Variants in OSBPL9 observed in about 807,000 individuals in gnomAD.
The protein encoded by OSBPL9 is oxysterol binding protein like 9.
OSBPL9 carries 40 observed loss-of-function variants against 106.6 expected under a neutral mutation model. That is an observed-to-expected ratio of 0.38 (90% CI 0.29 to 0.49). The LOEUF (loss-of-function observed/expected upper bound fraction) is 0.49. OSBPL9 is among the 20% of genes least tolerant of loss of function. The pLI, the probability that OSBPL9 is intolerant of heterozygous loss-of-function variation, is 0.97. For synonymous variants in OSBPL9, 269 were observed against 295.4 expected, an observed-to-expected ratio of 0.91 and a Z score of 0.92; for missense variants, 609 against 887.2, an observed-to-expected ratio of 0.69 and a Z score of 3.98.
chr1:51,730,402 C>A (rs886812555), intron 4 of OSBPL9, among the ~76,000 whole-genome samples: 4 of 152,216 alleles, frequency 2.6e-5, no homozygotes, highest in Admixed American at 2.6e-4. Flanking sequence ...AATAGAATCT[C>A]CAGTTGCAGG....
the OSBPL9 span, among the ~76,000 whole-genome samples, chr1:51,558,095 A>G: frequency 6.6e-6 from 1 of 152,154 alleles, no homozygotes; most frequent in African/African-American, 2.4e-5. Flanking sequence ...CCTGGCTAAC[A>G]CGGTGAAACC....
chr1:51,584,707 A>T (rs1279421791), intron 1 of OSBPL9, among the ~76,000 whole-genome samples: 1 of 151,962 alleles, frequency 6.6e-6, no homozygotes, highest in African/African-American at 2.4e-5. Context: ...TAAAAGCAAG[A>T]CTCCGTCTCA....
In OSBPL9 at chr1:51,621,702, T is replaced by G. The variant is rs559535097; in HGVS notation, c.111+4481T>G. ...CAAACAAGATCTGCATATAAAATTA[T>G]AGAGTCTCTTTTAATCTCTAGTTCT... is the stretch of plus-strand genomic sequence containing the variant. On this transcript the variant is annotated intron_variant, in intron 1 of 23. Coordinates refer to ENST00000428468, the MANE Select transcript of OSBPL9 (RefSeq NM_024586.6). Among the ~76,000 whole-genome samples, 3 of 152,208 alleles carry G rather than the reference T, an allele frequency of 2.0e-5. 1 individual carries two copies. The highest frequency in any genetic ancestry group is 4.4e-5 in the Non-Finnish European group (3 of 68,038).
chr1:51,616,748 T>G, upstream of OSBPL9: 1 of 198,658 alleles, frequency 5.0e-6, no homozygotes, highest in African/African-American at 2.3e-5. Flanking sequence ...AATGAATGGA[T>G]TTGTGGAATG....
the OSBPL9 span, among the ~76,000 whole-genome samples, chr1:51,554,165 T>C: frequency 6.6e-6 from 1 of 152,074 alleles, no homozygotes; most frequent in South Asian, 2.1e-4. Context: ...CAGATACAGG[T>C]ATAAATATAA....
At chr1:51,638,344 T>C (rs745451693) in intron 1 of OSBPL9, among the ~76,000 whole-genome samples, 15 of 152,140 alleles carry the variant, frequency 9.9e-5, no homozygotes, top group Admixed American at 1.3e-4. Context: ...TCTGGAAGCA[T>C]AATGACATTT....
At chr1:51,622,097 G>A (rs149946216) in intron 1 of OSBPL9, among the ~76,000 whole-genome samples, 6 of 152,236 alleles carry the variant, frequency 3.9e-5, no homozygotes, top group African/African-American at 1.4e-4. Context: ...GTGATTGGAT[G>A]TGAGTGAAAG....
chr1:51,600,154 C>T (rs1047744407), intron 2 of OSBPL9, among the ~76,000 whole-genome samples: 2 of 152,228 alleles, frequency 1.3e-5, no homozygotes, highest in Admixed American at 6.5e-5. Flanking sequence ...GGGACACTTA[C>T]ATTCAAACCG....
At chr1:51,760,636 A>C in intron 9 of OSBPL9, 54 bp from the exon 10 acceptor site, 1 of 1,609,882 alleles carries the variant, frequency 6.2e-7, no homozygotes, top group Admixed American at 1.7e-5. Context: ...TTGGGAGGGT[A>C]GCATGAGAAG....
At chr1:51,586,000 C>G (rs1242358251) in intron 1 of OSBPL9, among the ~76,000 whole-genome samples, 1 of 151,580 alleles carries the variant, frequency 6.6e-6, no homozygotes, top group African/African-American at 2.4e-5. Flanking sequence ...TAGCAAAACC[C>G]AGTGTCTACT....
intron 11 of OSBPL9, among the ~76,000 whole-genome samples, chr1:51,764,826 C>T (rs1672241598): frequency 6.6e-6 from 1 of 152,172 alleles, no homozygotes; most frequent in Non-Finnish European, 1.5e-5. Context: ...CTCAAGCAGT[C>T]CTCCCAACTG....
At chr1:51,577,151 C>T (rs530838354), upstream of OSBPL9, 2 of 152,214 alleles carry the variant, frequency 1.3e-5, no homozygotes, top group East Asian at 3.9e-4. Context: ...CACCATGTGA[C>T]GTACCTGCTC....
intron 12 of OSBPL9, 32 bp downstream of exon 12, chr1:51,766,013 G>T (rs1672480436): frequency 7.2e-6 from 11 of 1,527,812 alleles, no homozygotes; most frequent in Non-Finnish European, 9.7e-6. Context: ...GTATTTAAAT[G>T]ATTCTCCTGA....
At chr1:51,595,198 T>A (rs1645293703) in intron 1 of OSBPL9, among the ~76,000 whole-genome samples, 1 of 151,876 alleles carries the variant, frequency 6.6e-6, no homozygotes, top group African/African-American at 2.4e-5. Flanking sequence ...GCCAACCAGG[T>A]GTTAAGGGAG....
chr1:51,773,332 A>G lies in OSBPL9; in HGVS notation c.1170+609A>G, dbSNP rs114993535. Among the ~76,000 whole-genome samples the G allele has an allele frequency of 1.4e-3, 211 of 152,208 alleles. 1 individual carries two copies. The highest frequency in any genetic ancestry group is 4.9e-3 in the African/African-American group (205 of 41,550). ...CAACAGAATGCATGCTTGAATTAGG[A>G]GACTGGTGTATGGGTGCCTTTGTAT... is the stretch of plus-strand genomic sequence containing the variant. On this transcript the variant is annotated intron_variant, in intron 14 of 23. Transcript: ENST00000428468.
intron 4 of OSBPL9, among the ~76,000 whole-genome samples, chr1:51,722,170 G>GATAA: frequency 6.8e-6 from 1 of 146,358 alleles, no homozygotes; most frequent in African/African-American, 2.7e-5. Flanking sequence ...TAAATAGATA[G>GATAA]ATAGATAGAT....
intron 3 of OSBPL9, among the ~76,000 whole-genome samples, chr1:51,673,894 T>G (rs1177237436): frequency 1.3e-5 from 2 of 151,734 alleles, no homozygotes; most frequent in Non-Finnish European, 2.9e-5. Context: ...AAAAGTTTTT[T>G]TTTTTTTTTT....
At chr1:51,552,493 C>A in the OSBPL9 span, among the ~76,000 whole-genome samples, 5 of 152,188 alleles carry the variant, frequency 3.3e-5, no homozygotes, top group African/African-American at 4.8e-5. Flanking sequence ...AGCAGTCTAG[C>A]TCCAAAGTTC....
intron 2 of OSBPL9, among the ~76,000 whole-genome samples, chr1:51,654,116 G>T (rs938675649): frequency 6.6e-6 from 1 of 152,062 alleles, no homozygotes; most frequent in Admixed American, 6.6e-5. Flanking sequence ...ACATTCCTCT[G>T]TCCATTGTTT....
Sources: gnomAD v4.1 joint callset for allele counts (sites outside exome capture counted in the v4.1 genomes callset) on GRCh38, gnomAD v4.1.1 for gene constraint, MANE v1.5 for transcripts, NCBI Gene and HGNC (gene_info 2026-07-23, HGNC 2026-07-21) for gene names.